Variants in TMEM266 observed in about 807,000 individuals in gnomAD.
TMEM266 encodes transmembrane protein 266, also known as Hv1 related protein 1.
Under a neutral mutation model 50.5 loss-of-function variants are expected in TMEM266, and 33 were observed. The observed-to-expected ratio is 0.65, with a 90% CI of 0.50 to 0.87. The LOEUF (loss-of-function observed/expected upper bound fraction) is 0.87, where lower values mean the gene tolerates loss of function less well. TMEM266 is among the 40% of genes least tolerant of loss of function. The pLI, the probability that TMEM266 is intolerant of heterozygous loss-of-function variation, is 0.00. For missense variants in TMEM266, 655 were observed against 695.1 expected, an observed-to-expected ratio of 0.94 and a Z score of 0.65; for synonymous variants, 310 against 292.3, an observed-to-expected ratio of 1.06 and a Z score of -0.62.
intron 1 of TMEM266, among the ~76,000 whole-genome samples, chr15:76,132,442 T>C (rs189743447): frequency 2.6e-5 from 4 of 152,194 alleles, no homozygotes; most frequent in Admixed American, 2.0e-4. Context: ...TATTCAGCCA[T>C]CTAAATGTGT....
chr15:76,084,393 G>A (rs1304919001), intron 1 of TMEM266, among the ~76,000 whole-genome samples: 3 of 152,294 alleles, frequency 2.0e-5, no homozygotes, highest in Non-Finnish European at 4.4e-5. Context: ...TGGCATTCTG[G>A]CAGCAGGAAG....
intron 8 of TMEM266, among the ~76,000 whole-genome samples, chr15:76,188,484 T>G (rs952102723): frequency 1.4e-4 from 22 of 152,324 alleles, no homozygotes; most frequent in Admixed American, 1.2e-3. Context: ...ATGCCTGTAG[T>G]CCCAGCTACT....
At chr15:76,130,741 C>T (rs2935978) in intron 1 of TMEM266, among the ~76,000 whole-genome samples, 33,100 of 152,008 alleles carry the variant, frequency 0.22, 5,066 homozygotes, top group African/African-American at 0.43. Flanking sequence ...ATAACGTTGA[C>T]GTTGGGTGGT....
chr15:76,190,858 C>T (rs1000217643), intron 8 of TMEM266, among the ~76,000 whole-genome samples: 6 of 152,144 alleles, frequency 3.9e-5, no homozygotes, highest in Admixed American at 2.6e-4. Flanking sequence ...AGGCAGGGCG[C>T]CCGGGCGTGG....
rs189959809 is a variant in TMEM266, at chr15:76,168,604, C to T, written c.457-1212C>T. 8.5e-4 allele frequency among the ~76,000 whole-genome samples: 130 copies of T among 152,346 alleles called. No individual in the cohort carries two copies. The highest frequency in any genetic ancestry group is 2.8e-3 in the African/African-American group (116 of 41,578). The stretch of plus-strand genomic sequence containing the variant: ...AAAGATGTCCTCTTGGTGAGGAAAC[C>T]GCTCCTGAAGGCAGCACCATTCGGG... On this transcript the variant is annotated intron_variant, in intron 5 of 10. Coordinates refer to ENST00000388942, the MANE Select transcript of TMEM266 (RefSeq NM_152335.3). The surrounding 1 kb of genome is among the most constrained non-coding windows in gnomAD (Gnocchi z 4.4).
chr15:76,137,603 C>G (rs749789131), intron 2 of TMEM266, 104 bp from the exon 3 acceptor site: 37 of 1,184,554 alleles, frequency 3.1e-5, no homozygotes, highest in Non-Finnish European at 4.5e-5. Flanking sequence ...CTTCCTCAGC[C>G]CTCCACTGGC....
chr15:76,116,191 T>C (rs1234378346), intron 1 of TMEM266, among the ~76,000 whole-genome samples: 1 of 152,076 alleles, frequency 6.6e-6, no homozygotes, highest in Non-Finnish European at 1.5e-5. Context: ...GAGCCTGGCA[T>C]GGGTTCCTCT....
At chr15:76,187,821 T>TG (rs2038510903) in intron 8 of TMEM266, among the ~76,000 whole-genome samples, 1 of 152,228 alleles carries the variant, frequency 6.6e-6, no homozygotes, top group Non-Finnish European at 1.5e-5. Context: ...GGGCCCAGTC[T>TG]GAAGCCAGGG....
chr15:76,155,683 C>A (rs767340957), intron 3 of TMEM266, among the ~76,000 whole-genome samples: 2 of 152,148 alleles, frequency 1.3e-5, no homozygotes, highest in Non-Finnish European at 2.9e-5. Context: ...CATTTAACTT[C>A]GTTGGACCCA....
intron 7 of TMEM266, among the ~76,000 whole-genome samples, chr15:76,172,452 T>A (rs887691415): frequency 2.0e-5 from 3 of 152,178 alleles, no homozygotes; most frequent in Non-Finnish European, 2.9e-5. Flanking sequence ...TCCGCCAGCA[T>A]TTGCCACGCA....
chr15:76,159,753 C>T (rs2142050111), intron 4 of TMEM266, among the ~76,000 whole-genome samples: 2 of 152,228 alleles, frequency 1.3e-5, no homozygotes, highest in South Asian at 4.2e-4. Flanking sequence ...TGAATGTCTT[C>T]ATGAGCCCCT....
intron 1 of TMEM266, among the ~76,000 whole-genome samples, chr15:76,082,234 G>T (rs1166990494): frequency 2.0e-5 from 3 of 152,150 alleles, no homozygotes; most frequent in Admixed American, 6.5e-5. Flanking sequence ...TGTTATGCAT[G>T]ACTGTTTTAG....
chr15:76,078,798 T>C (rs1596088559), intron 1 of TMEM266, among the ~76,000 whole-genome samples: 1 of 152,172 alleles, frequency 6.6e-6, no homozygotes, highest in Admixed American at 6.5e-5. Context: ...ACAAACTGGG[T>C]GGCTTAAAAC....
chr15:76,076,484 C>T (rs1322935240), intron 1 of TMEM266, among the ~76,000 whole-genome samples: 2 of 152,080 alleles, frequency 1.3e-5, no homozygotes, highest in East Asian at 1.9e-4. Context: ...CCTTTACATT[C>T]ATAAACCAAC....
intron 3 of TMEM266, among the ~76,000 whole-genome samples, chr15:76,142,478 A>G (rs1210246494): frequency 1.3e-5 from 2 of 152,168 alleles, no homozygotes; most frequent in African/African-American, 2.4e-5. Flanking sequence ...GGGTAATTCT[A>G]TTTTTGACTT....
chr15:76,167,298 G>T (rs1365719306), intron 5 of TMEM266, among the ~76,000 whole-genome samples: 1 of 151,658 alleles, frequency 6.6e-6, no homozygotes, highest in Non-Finnish European at 1.5e-5. Flanking sequence ...GTGAAACCCC[G>T]TCTCTACTAA....
intron 1 of TMEM266, 93 bp from the exon 2 acceptor site, chr15:76,134,075 G>A (rs1378818362): frequency 6.7e-5 from 36 of 535,168 alleles, no homozygotes; most frequent in Non-Finnish European, 1.1e-4. Flanking sequence ...AGTGCTAGAT[G>A]GAAGAAAGTT....
At chr15:76,125,257 C>T (rs989393315) in intron 1 of TMEM266, among the ~76,000 whole-genome samples, 1 of 151,976 alleles carries the variant, frequency 6.6e-6, no homozygotes, top group Non-Finnish European at 1.5e-5. Context: ...GGCAAAACCT[C>T]AGGCAACAAA....
chr15:76,123,668 A>G (rs2037377059), intron 1 of TMEM266, among the ~76,000 whole-genome samples: 1 of 152,042 alleles, frequency 6.6e-6, no homozygotes. Context: ...AAGACAACCG[A>G]GATTATGTTT....
Sources: allele counts gnomAD v4.1 joint callset (sites outside exome capture counted in the v4.1 genomes callset), GRCh38; gene constraint gnomAD v4.1.1; non-coding constraint Gnocchi (gnomAD v3.1); transcripts MANE v1.5; gene names NCBI Gene and HGNC (gene_info 2026-07-23, HGNC 2026-07-21).